The following UGT2B11 variants were observed in gnomAD, a reference collection of about 807,000 sequenced individuals.
The protein encoded by UGT2B11 is UDP glucuronosyltransferase family 2 member B11, also known as UDP-glucuronosyltransferase 2B11.
A neutral mutation model predicts 51.7 loss-of-function variants in UGT2B11; 49 were observed. That is an observed-to-expected ratio of 0.95 (90% CI 0.75 to 1.20). UGT2B11 has a LOEUF of 1.20. UGT2B11 is among the 50% of genes most tolerant of loss of function. The pLI is 0.00. For synonymous variants in UGT2B11, 273 were observed against 209.0 expected, an observed-to-expected ratio of 1.31 and a Z score of -2.64; for missense variants, 810 against 622.1, an observed-to-expected ratio of 1.30 and a Z score of -3.21.
At chr4:69,224,953 A>C in the UGT2B11 span, among the ~76,000 whole-genome samples, 1 of 152,266 alleles carries the variant, frequency 6.6e-6, no homozygotes, top group African/African-American at 2.4e-5. Context: ...CTTGAGGAAA[A>C]CCAGAATTGT....
upstream of UGT2B11, chr4:69,216,466 A>C (rs1190678657): frequency 6.6e-6 from 1 of 151,780 alleles, no homozygotes; most frequent in Non-Finnish European, 1.5e-5. Flanking sequence ...ATGGAAGCTG[A>C]AGGTGACAAG....
chr4:69,220,959 T>C, the UGT2B11 span, among the ~76,000 whole-genome samples: 2 of 152,200 alleles, frequency 1.3e-5, no homozygotes, highest in Admixed American at 1.3e-4. Context: ...TGATAATTTA[T>C]AACAGAATTG....
upstream of UGT2B11, among the ~76,000 whole-genome samples, chr4:69,218,031 T>C (rs1033395182): frequency 9.9e-5 from 15 of 152,198 alleles, no homozygotes; most frequent in Admixed American, 6.5e-5. Context: ...ACAGTCATTT[T>C]GGTTATAAGA....
chr4:69,212,557 A>G lies in UGT2B11; in HGVS notation c.870+16T>C, dbSNP rs1363182173. 2 of 1,598,698 alleles carry G rather than the reference A, an allele frequency of 1.3e-6. No homozygotes were observed. The highest frequency in any genetic ancestry group is 2.3e-5 in the South Asian group (2 of 87,780). On this transcript the variant is annotated intron_variant, in intron 2 of 5. Transcript: ENST00000446444. ...CTTCGAAGCCAACAAAATAAAACCA[A>G]CAAAAGTATGTTTACCTTAGGTAGG...
chr4:69,213,321 C>G (rs190361066), intron 1 of UGT2B11, among the ~76,000 whole-genome samples: 1 of 151,836 alleles, frequency 6.6e-6, no homozygotes, highest in African/African-American at 2.4e-5. Context: ...GAACTGTACT[C>G]AACCTTAATC....
Position 69,200,331 on chromosome 4 carries a change from T to TTTTTA in UGT2B11, c.*108_*109insTAAAA. On this transcript the variant is annotated 3_prime_UTR_variant, in exon 6 of 6. Coordinates refer to ENST00000446444, the MANE Select transcript of UGT2B11 (RefSeq NM_001073.3). ...TTGAAAATTTTTTTTTTTTTTTTTT[T>TTTTTA]TTTGTCACAGGAAGAAAGAAATCTT... is the stretch of plus-strand genomic sequence containing the variant. 1.7e-6 allele frequency: 2 copies of TTTTTA among 1,197,726 alleles called. No individual in the cohort carries two copies. Among genetic ancestry groups the TTTTTA allele is most frequent in the Non-Finnish European group, 2.1e-6 (2 of 942,058 alleles). 74.2% of individuals were successfully genotyped at this position (1,197,726 alleles called of 1,614,324 possible).
At chr4:69,224,614 G>C in the UGT2B11 span, among the ~76,000 whole-genome samples, 1 of 152,122 alleles carries the variant, frequency 6.6e-6, no homozygotes, top group Non-Finnish European at 1.5e-5. Flanking sequence ...ACGTGACGAT[G>C]TAAATGCCTT....
chr4:69,222,827 C>T, the UGT2B11 span, among the ~76,000 whole-genome samples: 1 of 152,178 alleles, frequency 6.6e-6, no homozygotes, highest in African/African-American at 2.4e-5. Flanking sequence ...CCTCCTACTG[C>T]TTATAAGGGA....
the UGT2B11 span, among the ~76,000 whole-genome samples, chr4:69,222,276 T>C: frequency 2.6e-5 from 4 of 152,268 alleles, no homozygotes; most frequent in African/African-American, 9.6e-5. Context: ...TTAAAATAAG[T>C]TGGCCTTCAA....
At chr4:69,204,721 G>A in intron 4 of UGT2B11, 72 bp from the exon 5 acceptor site, 1 of 1,605,584 alleles carries the variant, frequency 6.2e-7, no homozygotes, top group African/African-American at 1.3e-5. Flanking sequence ...GGTTCTGAAA[G>A]TGACAGTGTT....
intron 2 of UGT2B11, among the ~76,000 whole-genome samples, chr4:69,210,300 GA>G (rs1722013783): frequency 6.6e-6 from 1 of 151,490 alleles, no homozygotes; most frequent in African/African-American, 2.4e-5. Flanking sequence ...GGTGCACCTT[GA>G]TTTTTTTATG....
At chr4:69,211,787 A>G (rs568630904) in intron 2 of UGT2B11, among the ~76,000 whole-genome samples, 9 of 151,530 alleles carry the variant, frequency 5.9e-5, no homozygotes, top group Non-Finnish European at 1.2e-4. Context: ...TCCATTGAAT[A>G]TCTTGGAGGC....
chr4:69,206,114 C>T (rs1721846022), intron 3 of UGT2B11, among the ~76,000 whole-genome samples: 1 of 151,212 alleles, frequency 6.6e-6, no homozygotes, highest in Non-Finnish European at 1.5e-5. Context: ...CCCAGCAATC[C>T]CATTACTGGG....
chr4:69,207,508 T>G lies in UGT2B11; in HGVS notation c.1002+843A>C, dbSNP rs141328462. Among the ~76,000 whole-genome samples the G allele has an allele frequency of 5.8e-3, 887 of 151,748 alleles. 8 individuals are homozygous for G. Among genetic ancestry groups the G allele is most frequent in the African/African-American group, 0.02 (841 of 41,494 alleles). ...GAGGGGACATCTGAACCTGTTCCCC[T>G]GCCTCTCTTCCTTCTGTTTGACTCC... On this transcript the variant is annotated intron_variant, in intron 3 of 5. Coordinates refer to ENST00000446444, the MANE Select transcript of UGT2B11 (RefSeq NM_001073.3).
the UGT2B11 span, among the ~76,000 whole-genome samples, chr4:69,220,263 A>AC: frequency 0.99 from 151,240 of 152,196 alleles, 75,143 homozygotes; most frequent in Middle Eastern, 1. Flanking sequence ...CGGCAGTTCA[A>AC]CCCTTTAGTT....
Position 69,214,729 on chromosome 4 carries a change from G to C in UGT2B11, c.-7C>G. The C allele has an allele frequency of 6.2e-7, 1 of 1,609,264 alleles. No individual in the cohort carries two copies. Among genetic ancestry groups the C allele is most frequent in the Non-Finnish European group, 8.5e-7 (1 of 1,177,520 alleles). On this transcript the variant is annotated 5_prime_UTR_variant, in exon 1 of 6. Coordinates refer to ENST00000446444, the MANE Select transcript of UGT2B11 (RefSeq NM_001073.3). ...AAGTCCATTTCAGAGTCATCCTGGTGCAATGCGATCATTCTTTTCCAGTCA... is the reference window on the plus strand; with the variant it reads ...AAGTCCATTTCAGAGTCATCCTGGTCCAATGCGATCATTCTTTTCCAGTCA...
At chr4:69,201,618 C>G (rs559828923) in intron 5 of UGT2B11, among the ~76,000 whole-genome samples, 6 of 151,858 alleles carry the variant, frequency 4.0e-5, no homozygotes, top group Middle Eastern at 6.8e-3. Flanking sequence ...TTCTCTCCTG[C>G]TCTTGGAGTA....
At position 69,208,810 on chromosome 4, in the gene UGT2B11, T is replaced by A. The variant is rs533550337; in HGVS notation, c.871-328A>T. Among the ~76,000 whole-genome samples the A allele has an allele frequency of 1.7e-4, 26 of 151,730 alleles. No individual in the cohort carries two copies. The South Asian group carries it at 5.4e-3, about 31-fold the overall frequency. On this transcript the variant is annotated intron_variant, in intron 2 of 5. Coordinates refer to ENST00000446444, the MANE Select transcript of UGT2B11 (RefSeq NM_001073.3). Reference sequence around the variant, plus strand: ...AGACCCTTCACTTATAATACTATAATTACTAATATAAGTTCTTGGAATAGT... The same window carrying A: ...AGACCCTTCACTTATAATACTATAAATACTAATATAAGTTCTTGGAATAGT...
upstream of UGT2B11, chr4:69,215,214 A>G (rs1464455460): frequency 2.6e-5 from 4 of 152,940 alleles, no homozygotes; most frequent in African/African-American, 4.8e-5. Context: ...TTGTGCATCC[A>G]ACGTAACAAT....
Sources: allele counts gnomAD v4.1 joint callset (sites outside exome capture counted in the v4.1 genomes callset), GRCh38; gene constraint gnomAD v4.1.1; transcripts MANE v1.5; gene names NCBI Gene and HGNC (gene_info 2026-07-23, HGNC 2026-07-21).